GALNT17: variants seen among roughly 807,000 people sequenced by gnomAD.
The protein encoded by GALNT17 is polypeptide N-acetylgalactosaminyltransferase 17, also known as UDP-GalNAc:polypeptide N-acetylgalactosaminyltransferase-like 3.
GALNT17 carries 29 observed loss-of-function variants against 63.7 expected under a neutral mutation model. The ratio of observed to expected loss-of-function variants is 0.46; its 90% confidence interval spans 0.34 to 0.62. The LOEUF (loss-of-function observed/expected upper bound fraction) is 0.62. Among genes scored for constraint, GALNT17 ranks in the 20% least tolerant of loss-of-function variants. The pLI is 0.01. For missense variants in GALNT17, 603 were observed against 799.6 expected, an observed-to-expected ratio of 0.75 and a Z score of 2.97; for synonymous variants, 305 against 318.3, an observed-to-expected ratio of 0.96 and a Z score of 0.45.
intron 5 of GALNT17, among the ~76,000 whole-genome samples, chr7:71,421,899 G>A (rs1786672953): frequency 6.7e-6 from 1 of 150,006 alleles, no homozygotes; most frequent in African/African-American, 2.5e-5. Context: ...GCAGTGAGCT[G>A]AGATCATGCC....
intron 6 of GALNT17, among the ~76,000 whole-genome samples, chr7:71,621,939 G>C (rs1186806372): frequency 6.6e-6 from 1 of 152,226 alleles, no homozygotes; most frequent in Admixed American, 6.5e-5. Flanking sequence ...CCAACAAAGA[G>C]AATATCATTC....
chr7:71,477,594 C>T (rs1265733935), intron 5 of GALNT17, among the ~76,000 whole-genome samples: 1 of 152,102 alleles, frequency 6.6e-6, no homozygotes, highest in Non-Finnish European at 1.5e-5. Flanking sequence ...CTCAGCTACT[C>T]AAGAGGATTG....
chr7:71,153,996 T>C (rs923656254), intron 1 of GALNT17, among the ~76,000 whole-genome samples: 1 of 152,116 alleles, frequency 6.6e-6, no homozygotes, highest in African/African-American at 2.4e-5. Context: ...CATCAAACGG[T>C]AGAGTTTAAT....
intron 5 of GALNT17, among the ~76,000 whole-genome samples, chr7:71,443,616 G>A (rs538646337): frequency 6.6e-6 from 1 of 152,226 alleles, no homozygotes; most frequent in African/African-American, 2.4e-5. Context: ...AGTGGAAGCT[G>A]CCTCAGGCCC....
At chr7:71,193,219 C>T (rs531349871) in intron 1 of GALNT17, among the ~76,000 whole-genome samples, 2 of 152,090 alleles carry the variant, frequency 1.3e-5, no homozygotes, top group African/African-American at 4.8e-5. Context: ...CTACCTGAGC[C>T]TCCTGAGCAT....
chr7:71,147,491 G>A (rs887333562), intron 1 of GALNT17, among the ~76,000 whole-genome samples: 1 of 152,108 alleles, frequency 6.6e-6, no homozygotes, highest in Non-Finnish European at 1.5e-5. Context: ...CCACTGACTC[G>A]AATGTTAATC....
chr7:71,591,557 C>G (rs1299654815), intron 6 of GALNT17, among the ~76,000 whole-genome samples: 2 of 152,218 alleles, frequency 1.3e-5, no homozygotes, highest in African/African-American at 2.4e-5. Flanking sequence ...GTCTGGGAAA[C>G]TCCTCAGGTA....
chr7:71,303,383 A>T (rs1791235431), intron 1 of GALNT17, among the ~76,000 whole-genome samples: 1 of 151,936 alleles, frequency 6.6e-6, no homozygotes, highest in African/African-American at 2.4e-5. Context: ...TTTATATCTT[A>T]TATATACCAC....
At chr7:71,544,049 C>T (rs1308105772) in intron 5 of GALNT17, among the ~76,000 whole-genome samples, 1 of 151,802 alleles carries the variant, frequency 6.6e-6, no homozygotes, top group Non-Finnish European at 1.5e-5. Flanking sequence ...CGCCTCAGCC[C>T]CCCAAAGGGC....
chr7:71,294,762 T>G (rs1267772801), intron 1 of GALNT17, among the ~76,000 whole-genome samples: 1 of 152,206 alleles, frequency 6.6e-6, no homozygotes, highest in Non-Finnish European at 1.5e-5. Context: ...ATTAGTTCTA[T>G]TTTGTATATT....
At chr7:71,295,553 T>C (rs1357131985) in intron 1 of GALNT17, among the ~76,000 whole-genome samples, 1 of 150,982 alleles carries the variant, frequency 6.6e-6, no homozygotes, top group Non-Finnish European at 1.5e-5. Context: ...CCCCTCTCCC[T>C]CCTTCCTTTT....
intron 1 of GALNT17, among the ~76,000 whole-genome samples, chr7:71,256,013 A>G (rs1022529867): frequency 2.0e-5 from 3 of 152,198 alleles, no homozygotes; most frequent in African/African-American, 7.2e-5. Context: ...AATTCTGAAA[A>G]GAAGCATTTA....
chr7:71,272,072 A>G (rs1227362488), intron 1 of GALNT17, among the ~76,000 whole-genome samples: 2 of 152,096 alleles, frequency 1.3e-5, no homozygotes, highest in African/African-American at 2.4e-5. Flanking sequence ...CCCTATTTCT[A>G]TGGTTTTGCT....
rs537446732 is a variant in GALNT17 at position 71,673,871 on chromosome 7, C to T, written c.1405-3340C>T. Among the ~76,000 whole-genome samples the T allele has an allele frequency of 1.0e-3, 155 of 152,222 alleles. 3 individuals carry two copies. The highest frequency in any genetic ancestry group is 5.3e-4 in the African/African-American group (22 of 41,536). The stretch of plus-strand genomic sequence containing the variant: ...TGGGCTCAAGCAATTCTCCCACTTC[C>T]GCCTCCCGAGTATCTGGGGCTATAG... On this transcript the variant is annotated intron_variant, in intron 8 of 10. Coordinates refer to ENST00000333538, the MANE Select transcript of GALNT17 (RefSeq NM_022479.3).
intron 5 of GALNT17, among the ~76,000 whole-genome samples, chr7:71,436,645 G>C (rs1329377737): frequency 1.3e-5 from 2 of 151,808 alleles, no homozygotes; most frequent in Non-Finnish European, 2.9e-5. Flanking sequence ...TGTGAACCCG[G>C]GAGGCAGAGC....
chr7:71,568,029 A>G (rs1789377921), intron 5 of GALNT17, among the ~76,000 whole-genome samples: 1 of 152,206 alleles, frequency 6.6e-6, no homozygotes, highest in Admixed American at 6.5e-5. Flanking sequence ...TTGGCTCCAA[A>G]GAATTCCACC....
chr7:71,430,649 T>C (rs1181793826), intron 5 of GALNT17, among the ~76,000 whole-genome samples: 2 of 152,186 alleles, frequency 1.3e-5, no homozygotes, highest in Non-Finnish European at 2.9e-5. Context: ...AACATATAAT[T>C]TGATAATAAA....
At chr7:71,458,062 A>T (rs1331738970) in intron 5 of GALNT17, among the ~76,000 whole-genome samples, 2 of 151,872 alleles carry the variant, frequency 1.3e-5, no homozygotes, top group Non-Finnish European at 2.9e-5. Context: ...CAATCCCCAC[A>T]CTGTCAAAGA....
chr7:71,230,144 T>G (rs1789760585), intron 1 of GALNT17, among the ~76,000 whole-genome samples: 1 of 152,194 alleles, frequency 6.6e-6, no homozygotes, highest in Non-Finnish European at 1.5e-5. Flanking sequence ...TTGCTGCTTT[T>G]TCTCTGTGTG....
Sources: gnomAD v4.1 joint callset for allele counts (sites outside exome capture counted in the v4.1 genomes callset) on GRCh38, gnomAD v4.1.1 for gene constraint, MANE v1.5 for transcripts, NCBI Gene and HGNC (gene_info 2026-07-23, HGNC 2026-07-21) for gene names.